The following ZNF132 variants were observed in gnomAD, a reference collection of about 807,000 sequenced individuals.
ZNF132 encodes zinc finger protein 132.
A neutral mutation model predicts 9.3 loss-of-function variants in ZNF132; 6 were observed. The observed-to-expected ratio is 0.65, with a 90% confidence interval of 0.35 to 1.28. The LOEUF is 1.28. ZNF132 is among the 50% of genes most tolerant of loss of function. The pLI, the probability that ZNF132 is intolerant of heterozygous loss-of-function variation, is 0.03. For missense variants in ZNF132, 877 were observed against 843.2 expected (o/e 1.04, Z -0.50); for synonymous variants, 296 against 292.0 (o/e 1.01, Z -0.14).
At chr19:58,438,773 ATTTTT>A (rs546729734) in intron 1 of ZNF132, among the ~76,000 whole-genome samples, 1 of 106,468 alleles carries the variant, frequency 9.4e-6, no homozygotes, top group African/African-American at 3.6e-5. Flanking sequence ...ACGCCCGGCA[ATTTTT>A]TTTTTTTTTT....
chr19:58,435,479 A>T (rs1385878763), intron 2 of ZNF132: 1 of 366,874 alleles, frequency 2.7e-6, no homozygotes, highest in Non-Finnish European at 5.0e-6. Context: ...AAAAGAAGAT[A>T]TATACACAAA....
rs56078209 is a variant in ZNF132 at position 58,436,667 on chromosome 19, C to CAA, written c.232+378_232+379dup. ...TGGGGGACAGAGCAAGACTCCATCT[C>CAA]AAAAAAAAAAAAAAAAAAAAAAAAA... On this transcript the variant is annotated intron_variant, in intron 2 of 2. Transcript: ENST00000254166. 8.2e-3 allele frequency among the ~76,000 whole-genome samples: 532 copies of CAA among 64,658 alleles called. 3 individuals carry two copies. Among genetic ancestry groups the CAA allele is most frequent in the East Asian group, 0.041 (65 of 1,576 alleles). The allele number at this position is 64,658 out of a possible 152,430, so 42.4% of individuals were successfully genotyped here. A position where few individuals can be genotyped will look rare whatever the true frequency, so the allele number is the denominator to read the frequency against.
intron 2 of ZNF132, 64 bp downstream of exon 2, chr19:58,436,983 G>C: frequency 1.9e-6 from 3 of 1,610,204 alleles, no homozygotes; most frequent in Non-Finnish European, 2.5e-6. Context: ...GATGAACAGA[G>C]CTTTCTATGG....
At chr19:58,435,252 G>T in intron 2 of ZNF132, 41 bp from the exon 3 acceptor site, 1 of 1,574,552 alleles carries the variant, frequency 6.4e-7, no homozygotes, top group Non-Finnish European at 8.6e-7. Flanking sequence ...AATTCCACTT[G>T]GTGGGAATGG....
chr19:58,439,990 T>C lies in ZNF132; in HGVS notation c.-169A>G. ...GACCCTGGAGACGCGTGGCGCTGGC[T>C]CCACTTTCGGGAACACCTTGGCTCA... On this transcript the variant is annotated 5_prime_UTR_variant, in exon 1 of 3. Coordinates refer to ENST00000254166, the MANE Select transcript of ZNF132 (RefSeq NM_003433.4). 1 of 662,484 alleles carries C rather than the reference T, an allele frequency of 1.5e-6. No individual in the cohort carries two copies. The highest frequency in any genetic ancestry group is 2.5e-6 in the Non-Finnish European group (1 of 395,346). The allele number at this position is 662,484 out of a possible 1,614,324, so 41.0% of individuals were successfully genotyped here.
At chr19:58,437,620 C>T in intron 1 of ZNF132, 34 of 853,836 alleles carry the variant, frequency 4.0e-5, no homozygotes, top group Non-Finnish European at 4.8e-5. Context: ...CACATTCTCT[C>T]ACCTTTACAT....
chr19:58,433,223 G>A lies in ZNF132; in HGVS notation c.*100C>T, dbSNP rs146287693. On this transcript the variant is annotated 3_prime_UTR_variant, in exon 3 of 3. Coordinates refer to ENST00000254166, the MANE Select transcript of ZNF132 (RefSeq NM_003433.4). Reference sequence around the variant, plus strand: ...AGCTTCTGAAGGCTTTTCCACATTAGCAGTACATGTAGGTAATTTTTCTGG... The same window carrying A: ...AGCTTCTGAAGGCTTTTCCACATTAACAGTACATGTAGGTAATTTTTCTGG... 4.8e-4 allele frequency: 602 copies of A among 1,266,396 alleles called. 8 individuals carry two copies. The African/African-American group carries it at 8.2e-3, about 17-fold the overall frequency. 78.4% of individuals were successfully genotyped at this position (1,266,396 alleles called of 1,614,324 possible). A position where few individuals can be genotyped will look rare whatever the true frequency, so the allele number is the denominator to read the frequency against.
chr19:58,437,447 A>G (rs932699419), intron 1 of ZNF132, among the ~76,000 whole-genome samples: 2 of 152,046 alleles, frequency 1.3e-5, no homozygotes, highest in African/African-American at 2.4e-5. Context: ...ATCCAGGCCA[A>G]CCCAACCTAG....
At chr19:58,439,511 C>G (rs2052790293) in intron 1 of ZNF132, among the ~76,000 whole-genome samples, 1 of 152,238 alleles carries the variant, frequency 6.6e-6, no homozygotes, top group African/African-American at 2.4e-5. Context: ...ACATGCTGGT[C>G]ACTGTCCCTG....
rs747996530 is a variant in ZNF132 at position 58,434,569 on chromosome 19, A to C, written c.875T>G (p.Val292Gly). Residue 292 changes from valine (V) to glycine (G), a missense_variant, in exon 3 of 3, where the codon GTG becomes GGG. Transcript: ENST00000254166. ...AAAGGCCTTCCCACACTCCTTACAC[A>C]CATGGGGTATTTCCCCAGTGTGAAA... Reference protein sequence around the residue: ...KKFHTGEIPHVCKECGKAFSH... With the variant: ...KKFHTGEIPHGCKECGKAFSH... 28 of 1,613,994 alleles carry C rather than the reference A, an allele frequency of 1.7e-5. No individual in the cohort carries two copies. Among genetic ancestry groups the C allele is most frequent in the Non-Finnish European group, 2.4e-5 (28 of 1,179,974 alleles).
intron 1 of ZNF132, chr19:58,437,749 T>C: frequency 1.0e-6 from 1 of 985,422 alleles, no homozygotes; most frequent in Non-Finnish European, 1.2e-6. Flanking sequence ...CCGGGATCCA[T>C]TCCTGGTCCA....
intron 2 of ZNF132, among the ~76,000 whole-genome samples, chr19:58,436,124 G>T (rs8111029): frequency 5.9e-5 from 9 of 152,048 alleles, no homozygotes; most frequent in Admixed American, 1.3e-4. Context: ...TCTAGGAAAC[G>T]TAAATCTATA....
intron 1 of ZNF132, chr19:58,437,703 A>G (rs932773026): frequency 4.1e-5 from 40 of 985,150 alleles, no homozygotes; most frequent in Non-Finnish European, 4.7e-5. Context: ...TCTCCCTAGC[A>G]TCTCACCATG....
At chr19:58,437,014 G>A (rs373221733) in intron 2 of ZNF132, 33 bp downstream of exon 2, 2 of 1,613,982 alleles carry the variant, frequency 1.2e-6, no homozygotes, top group East Asian at 2.2e-5. Flanking sequence ...CAAGGCATAA[G>A]GTAGTCATCA....
At chr19:58,438,018 C>T (rs1354050755) in intron 1 of ZNF132, among the ~76,000 whole-genome samples, 5 of 152,202 alleles carry the variant, frequency 3.3e-5, no homozygotes, top group Admixed American at 3.3e-4. Flanking sequence ...CTTAGGCTGA[C>T]CCTTTCTGAT....
In ZNF132 at chr19:58,434,663, C is replaced by G. The variant is rs149920321; in HGVS notation, c.781G>C (p.Glu261Gln). The G allele has an allele frequency of 1.2e-4, 186 of 1,614,084 alleles. No homozygotes were observed. The highest frequency in any genetic ancestry group is 1.5e-4 in the Non-Finnish European group (176 of 1,180,048). ...CCTGTTGGGCATGTAAATGGTATCT[C>G]TTCAGAGTGAGTTCTCAGATGGTTG... ...LPNHLRTHSE[E>Q]IPFTCPTGGN... Residue 261 changes from glutamate (E) to glutamine (Q), a missense_variant, in exon 3 of 3, where the codon GAG becomes CAG. Glu to Gln is a conservative substitution (Grantham distance 29, BLOSUM62 2). Transcript: ENST00000254166.
rs758713232 is a variant in ZNF132, at chr19:58,439,817, G to C, written c.5C>G (p.Ala2Gly). M[A>G]LPSPQVLMGL... Reference sequence around the variant, plus strand: ...CATTAGAACCTGTGGGCTGGGCAGGGCCATAACAGGAGGCCCAGGGCTAGC... The same window carrying C: ...CATTAGAACCTGTGGGCTGGGCAGGCCCATAACAGGAGGCCCAGGGCTAGC... Residue 2 changes from alanine (A) to glycine (G), a missense_variant, in exon 1 of 3, where the codon GCC (alanine) becomes GGC (glycine). Transcript: ENST00000254166. The C allele has an allele frequency of 1.9e-6, 3 of 1,544,148 alleles. No individual in the cohort carries two copies. In the South Asian group the frequency reaches 3.6e-5, roughly 19 times the overall value.
intron 1 of ZNF132, among the ~76,000 whole-genome samples, chr19:58,439,477 T>G (rs1312020448): frequency 6.6e-6 from 1 of 152,200 alleles, no homozygotes; most frequent in East Asian, 1.9e-4. Context: ...AATGCTTCCA[T>G]TTCATCACCA....
At position 58,435,079 on chromosome 19, in the gene ZNF132, A is replaced by C. The variant is rs1383360776; in HGVS notation, c.365T>G (p.Phe122Cys). Residue 122 changes from phenylalanine (F) to cysteine (C), a missense_variant, in exon 3 of 3, where the codon TTC becomes TGC. Physicochemically the swap from Phe to Cys is radical, Grantham distance 205. Coordinates refer to ENST00000254166, the MANE Select transcript of ZNF132 (RefSeq NM_003433.4). The stretch of plus-strand genomic sequence containing the variant: ...AGCCAGGTGCAAAATGTCTTTCAAG[A>C]ATGGCCCACACATGTCACAGGAGTT... ...KANSCDMCGP[F>C]LKDILHLAEH... 1 of 1,613,862 alleles carries C rather than the reference A, an allele frequency of 6.2e-7. No homozygotes were observed. The highest frequency in any genetic ancestry group is 1.3e-5 in the African/African-American group (1 of 74,832).
Sources: gnomAD v4.1 joint callset for allele counts (sites outside exome capture counted in the v4.1 genomes callset) on GRCh38, gnomAD v4.1.1 for gene constraint, MANE v1.5 for transcripts, NCBI Gene and HGNC (gene_info 2026-07-23, HGNC 2026-07-21) for gene names.